The following TCAF1 variants were observed in gnomAD, a reference collection of about 807,000 sequenced individuals.
TCAF1 encodes TRPM8 channel-associated factor 1.
In TCAF1, 4 loss-of-function variants were observed where a neutral mutation model predicts 27.3. The ratio of observed to expected loss-of-function variants is 0.15; its 90% CI spans 0.07 to 0.34. TCAF1 has a LOEUF of 0.34. Among genes scored for constraint, TCAF1 ranks in the 10% least tolerant of loss-of-function variants. The pLI is 1.00. For missense variants in TCAF1, 257 were observed against 425.8 expected (o/e 0.60, Z 3.49); for synonymous variants, 105 against 167.1 (o/e 0.63, Z 2.87).
intron 1 of TCAF1, among the ~76,000 whole-genome samples, chr7:143,883,500 C>CAT (rs1554393137): frequency 1.0e-5 from 1 of 98,092 alleles, no homozygotes; most frequent in African/African-American, 4.2e-5. Flanking sequence ...TTTCCTTTTT[C>CAT]TTTTTTTTTT....
chr7:143,892,301 G>T (rs1046403790), intron 1 of TCAF1, among the ~76,000 whole-genome samples: 3 of 151,936 alleles, frequency 2.0e-5, no homozygotes, highest in African/African-American at 7.2e-5. Context: ...TTAAAATTTT[G>T]CATTGAGAAT....
At chr7:143,889,561 C>T (rs1229609649) in intron 1 of TCAF1, among the ~76,000 whole-genome samples, 1 of 152,128 alleles carries the variant, frequency 6.6e-6, no homozygotes, top group East Asian at 1.9e-4. Context: ...AGAACTGTAA[C>T]AGGAGAGGAA....
At chr7:143,885,033 C>T (rs575713348) in intron 1 of TCAF1, 3 of 985,278 alleles carry the variant, frequency 3.0e-6, no homozygotes, top group African/African-American at 3.5e-5. Context: ...AGGCCAAAAA[C>T]GCGACCACTT....
At chr7:143,883,328 A>C (rs1813184309) in intron 1 of TCAF1, among the ~76,000 whole-genome samples, 1 of 152,114 alleles carries the variant, frequency 6.6e-6, no homozygotes, top group African/African-American at 2.4e-5. Flanking sequence ...CTACCCATTA[A>C]TATTGTTTAA....
chr7:143,897,185 TA>T (rs1477981411), intron 1 of TCAF1, among the ~76,000 whole-genome samples: 1 of 136,960 alleles, frequency 7.3e-6, no homozygotes, highest in African/African-American at 2.6e-5. Flanking sequence ...TATTCATATA[TA>T]AACACTTCAT....
intron 6 of TCAF1, among the ~76,000 whole-genome samples, 194 bp downstream of exon 6, chr7:143,860,012 AAT>A (rs1563212104): frequency 1.3e-4 from 2 of 14,840 alleles, no homozygotes; most frequent in Non-Finnish European, 3.2e-4. Flanking sequence ...ATATATATAT[AAT>A]ATATATTATA....
rs142026727 is a variant in TCAF1 at position 143,889,828 on chromosome 7, A to G, written c.-15+12133T>C. On this transcript the variant is annotated intron_variant, in intron 1 of 8. Coordinates refer to ENST00000479870, the MANE Select transcript of TCAF1 (RefSeq NM_014719.3). ...GGAAAACACCCAGGAAAGCTTCACC[A>G]GACAGTCCTCCTCCACGATGGCAAT... Among the ~76,000 whole-genome samples the G allele has an allele frequency of 9.9e-3, 1,501 of 152,296 alleles. 26 individuals carry two copies. The highest frequency in any genetic ancestry group is 0.033 in the African/African-American group (1,382 of 41,560).
chr7:143,851,895 CATTA>C lies in TCAF1; in HGVS notation c.*2234_*2237del, dbSNP rs1216654973. 29 of 152,096 alleles carry C rather than the reference CATTA, an allele frequency of 1.9e-4. No individual in the cohort carries two copies. Among genetic ancestry groups the C allele is most frequent in the Non-Finnish European group, 3.4e-4 (23 of 68,002 alleles). 9.4% of individuals were successfully genotyped at this position (152,096 alleles called of 1,614,324 possible). A position where few individuals can be genotyped will look rare whatever the true frequency, so the allele number is the denominator to read the frequency against. On this transcript the variant is annotated 3_prime_UTR_variant, in exon 9 of 9. Coordinates refer to ENST00000479870, the MANE Select transcript of TCAF1 (RefSeq NM_014719.3). Reference sequence around the variant, plus strand: ...TTTCTGCTTTCTTTCCCTTTGTCAGCATTAATTACTTTCAACTTCAGTTCTGAAT... The same window carrying C: ...TTTCTGCTTTCTTTCCCTTTGTCAGCATTACTTTCAACTTCAGTTCTGAAT...
chr7:143,859,975 T>TATATATTATGTA (rs1171480054), intron 6 of TCAF1, among the ~76,000 whole-genome samples: 5,539 of 20,354 alleles, frequency 0.27, 1,153 homozygotes, highest in South Asian at 0.47. Context: ...TATTATATAA[T>TATATATTATGTA]ATATATTATA....
At chr7:143,875,948 T>C (rs878957657) in intron 2 of TCAF1, 41 bp downstream of exon 2, 4 of 1,511,802 alleles carry the variant, frequency 2.6e-6, no homozygotes, top group African/African-American at 2.8e-5. Flanking sequence ...GGTCTGCTTT[T>C]CAACCCTGGA....
At chr7:143,880,434 G>A (rs886199248) in intron 1 of TCAF1, among the ~76,000 whole-genome samples, 1 of 152,148 alleles carries the variant, frequency 6.6e-6, no homozygotes, top group African/African-American at 2.4e-5. Flanking sequence ...TATATGCATT[G>A]AAAATCTATG....
At chr7:143,883,814 T>A (rs1256767543) in intron 1 of TCAF1, among the ~76,000 whole-genome samples, 1 of 152,204 alleles carries the variant, frequency 6.6e-6, no homozygotes, top group East Asian at 1.9e-4. Context: ...GCTCCCCATT[T>A]CTTTCCTTTA....
rs1811325217 is a variant in TCAF1 at position 143,852,070 on chromosome 7, T to C, written c.*2063A>G. On this transcript the variant is annotated 3_prime_UTR_variant, in exon 9 of 9. Transcript: ENST00000479870. ...GATATTTTCTTCCCTACACACCCAA[T>C]ATCATCATGCCTGTGCCATAGAAAA... 6.6e-6 allele frequency: 1 copy of C among 151,746 alleles called. No homozygotes were observed. The highest frequency in any genetic ancestry group is 2.4e-5 in the African/African-American group (1 of 41,314). 9.4% of individuals were successfully genotyped at this position (151,746 alleles called of 1,614,324 possible).
At chr7:143,884,726 A>T (rs1813300182) in intron 1 of TCAF1, among the ~76,000 whole-genome samples, 1 of 150,658 alleles carries the variant, frequency 6.6e-6, no homozygotes, top group South Asian at 2.2e-4. Context: ...GGGGTTTTTA[A>T]GTGTTTTATT....
chr7:143,886,541 G>A (rs1813410177), intron 1 of TCAF1: 1 of 984,926 alleles, frequency 1.0e-6, no homozygotes, highest in Non-Finnish European at 1.2e-6. Context: ...TCCACTGGAT[G>A]GATGGATGAA....
chr7:143,894,879 A>T lies in TCAF1; in HGVS notation c.-15+7082T>A, dbSNP rs184818774. ...ATTTAACACACTCACAAAATTAATT[A>T]AAAAAAGAAACCACCCCTTTACCCC... On this transcript the variant is annotated intron_variant, in intron 1 of 8. Coordinates refer to ENST00000479870, the MANE Select transcript of TCAF1 (RefSeq NM_014719.3). 2.8e-3 allele frequency among the ~76,000 whole-genome samples: 424 copies of T among 151,830 alleles called. 7 individuals carry two copies. The highest frequency in any genetic ancestry group is 4.0e-3 in the Non-Finnish European group (273 of 67,696).
intron 1 of TCAF1, chr7:143,882,467 T>C (rs748666214): frequency 3.8e-5 from 37 of 985,122 alleles, no homozygotes; most frequent in Non-Finnish European, 4.3e-5. Flanking sequence ...AAACATCAGA[T>C]GTCAGAACCT....
chr7:143,890,075 G>A (rs1304879072), intron 1 of TCAF1, among the ~76,000 whole-genome samples: 6 of 151,210 alleles, frequency 4.0e-5, no homozygotes, highest in South Asian at 4.2e-4. Context: ...TGCAAGTTCC[G>A]CCTCCCAGGT....
At chr7:143,875,897 AC>A in intron 2 of TCAF1, 91 bp downstream of exon 2, 1 of 1,147,080 alleles carries the variant, frequency 8.7e-7, no homozygotes, top group Non-Finnish European at 1.2e-6. Context: ...GCCTGGGAGC[AC>A]TCTTCTGTTA....
Sources: allele counts gnomAD v4.1 joint callset (sites outside exome capture counted in the v4.1 genomes callset), GRCh38; gene constraint gnomAD v4.1.1; transcripts MANE v1.5; gene names NCBI Gene and HGNC (gene_info 2026-07-23, HGNC 2026-07-21).